MIGA1: variants seen among roughly 807,000 people sequenced by gnomAD.
The protein encoded by MIGA1 is family with sequence similarity 73, member A.
Under a neutral mutation model 82.0 loss-of-function variants are expected in MIGA1, and 58 were observed. That is an observed-to-expected ratio of 0.71 (90% CI 0.57 to 0.88). MIGA1 has a LOEUF of 0.88. Ranked by LOEUF, MIGA1 falls within the 40% of genes least tolerant of loss-of-function variation. The probability of loss-of-function intolerance (pLI) is 0.00; values close to 1 mark genes in which losing one functional copy is unlikely to be tolerated. For missense variants in MIGA1, 751 were observed against 749.1 expected (o/e 1.00, Z -0.03); for synonymous variants, 249 against 253.6 (o/e 0.98, Z 0.17).
chr1:77,823,863 G>T (rs1323413326), intron 7 of MIGA1, among the ~76,000 whole-genome samples: 8 of 152,116 alleles, frequency 5.3e-5, no homozygotes, highest in Non-Finnish European at 7.4e-5. Context: ...CTGTTTCTCT[G>T]TTGCCACATA....
At chr1:77,817,269 T>C (rs1203042069) in intron 7 of MIGA1, among the ~76,000 whole-genome samples, 1 of 152,178 alleles carries the variant, frequency 6.6e-6, no homozygotes, top group East Asian at 1.9e-4. Flanking sequence ...CCTCTGGGCA[T>C]GTGGCTTAGT....
chr1:77,802,621 TA>T (rs1243062263), intron 3 of MIGA1, among the ~76,000 whole-genome samples: 3 of 151,746 alleles, frequency 2.0e-5, no homozygotes, highest in African/African-American at 7.3e-5. Flanking sequence ...AAAATAACAA[TA>T]AAAAAATTGT....
At chr1:77,818,444 A>G (rs1024643758) in intron 7 of MIGA1, among the ~76,000 whole-genome samples, 2 of 152,250 alleles carry the variant, frequency 1.3e-5, no homozygotes, top group South Asian at 2.1e-4. Context: ...CATTCAGAAT[A>G]TAACAGTACC....
At chr1:77,825,811 A>G (rs1361661612) in intron 7 of MIGA1, among the ~76,000 whole-genome samples, 1 of 152,184 alleles carries the variant, frequency 6.6e-6, no homozygotes, top group Non-Finnish European at 1.5e-5. Context: ...TCAATTATAC[A>G]TAGTATAACT....
At chr1:77,872,833 G>A (rs1646858626) in intron 14 of MIGA1, among the ~76,000 whole-genome samples, 171 bp from the exon 15 acceptor site, 1 of 152,200 alleles carries the variant, frequency 6.6e-6, no homozygotes, top group African/African-American at 2.4e-5. Flanking sequence ...GCTAAAGCCG[G>A]GGGATTGCTT....
At chr1:77,859,666 A>G (rs768991263) in intron 10 of MIGA1, 48 of 399,478 alleles carry the variant, frequency 1.2e-4, no homozygotes, top group Non-Finnish European at 1.7e-4. Flanking sequence ...TAAAATAAAA[A>G]CACTCTTTCT....
intron 7 of MIGA1, among the ~76,000 whole-genome samples, chr1:77,840,764 G>T (rs562969557): frequency 2.6e-5 from 4 of 152,066 alleles, no homozygotes; most frequent in African/African-American, 9.6e-5. Context: ...GTGAGCCAAG[G>T]TCGCGCCATT....
intron 12 of MIGA1, among the ~76,000 whole-genome samples, chr1:77,863,118 T>G (rs79397639): frequency 0.012 from 1,783 of 152,290 alleles, 30 homozygotes; most frequent in African/African-American, 0.04. Context: ...CTGAGACTCA[T>G]CCTTCACCTC....
rs778538483 is a variant in MIGA1 at position 77,860,117 on chromosome 1, A to G, written c.1266A>G (p.Lys422=). 3.1e-6 allele frequency: 5 copies of G among 1,608,592 alleles called. No homozygotes were observed. The African/African-American group carries it at 6.7e-5, about 22-fold the overall frequency. ...AAATTTTATCAGCTTTAATTGTGAAAGCACGAAAGGTAAACTTGTTCTGTT... is the reference window on the plus strand; with the variant it reads ...AAATTTTATCAGCTTTAATTGTGAAGGCACGAAAGGTAAACTTGTTCTGTT... The change falls in exon 11 of 16, where the codon AAA becomes AAG. Residue 422 remains lysine (K), a synonymous_variant. Transcript: ENST00000370791.
At chr1:77,799,665 GT>G (rs552212453) in intron 2 of MIGA1, among the ~76,000 whole-genome samples, 1 of 149,720 alleles carries the variant, frequency 6.7e-6, no homozygotes, top group East Asian at 2.0e-4. Context: ...TGTGTTACCT[GT>G]TTTTTTTTCC....
At position 77,779,748 on chromosome 1, in the gene MIGA1, GGGGCGGGGTGGGGTGGAGAGGC is replaced by G; in HGVS notation, c.81+20_81+41del. 6.4e-7 allele frequency: 1 copy of G among 1,553,894 alleles called. No homozygotes were observed. The highest frequency in any genetic ancestry group is 1.2e-5 in the South Asian group (1 of 84,562). ...GCCTGGAGCTCCAGGTACAGGGCCA[GGGGCGGGGTGGGGTGGAGAGGC>G]GGGCGGGAGGAAGCGGAGAGTTGAG... On this transcript the variant is annotated intron_variant, in intron 1 of 15. Coordinates refer to ENST00000370791, the MANE Select transcript of MIGA1 (RefSeq NM_198549.4).
intron 2 of MIGA1, among the ~76,000 whole-genome samples, chr1:77,785,318 GT>G (rs1682109756): frequency 6.6e-6 from 1 of 152,060 alleles, no homozygotes; most frequent in Non-Finnish European, 1.5e-5. Context: ...CCCCATGCAA[GT>G]TTGAAATCCA....
intron 1 of MIGA1, chr1:77,782,826 C>A: frequency 1.0e-6 from 1 of 981,638 alleles, no homozygotes; most frequent in Non-Finnish European, 1.2e-6. Context: ...CATTCAGCAA[C>A]CTGCCTGCCA....
chr1:77,785,671 T>C (rs1364751901), intron 2 of MIGA1, among the ~76,000 whole-genome samples: 2 of 152,170 alleles, frequency 1.3e-5, no homozygotes, highest in Non-Finnish European at 2.9e-5. Context: ...AGTTCCAAAA[T>C]GATCTCTTTT....
chr1:77,829,880 G>GC lies in MIGA1; in HGVS notation c.896-13420dup, dbSNP rs369552182. 1.1e-3 allele frequency among the ~76,000 whole-genome samples: 161 copies of GC among 141,394 alleles called. 2 individuals carry two copies. In the East Asian group the frequency reaches 0.031, roughly 27 times the overall value. The allele number at this position is 141,394 out of a possible 152,430, so 92.8% of individuals were successfully genotyped here. ...TATTCTTTTCTGACTGATTTGCAAA[G>GC]CCCCCCCACCCCCCACCGTCATATG... On this transcript the variant is annotated intron_variant, in intron 7 of 15. Transcript: ENST00000370791.
At chr1:77,813,288 A>G (rs893183290) in intron 5 of MIGA1, among the ~76,000 whole-genome samples, 23 of 152,146 alleles carry the variant, frequency 1.5e-4, no homozygotes, top group Admixed American at 4.6e-4. Context: ...GGCCATCTTC[A>G]GCTTTACTTT....
At chr1:77,850,839 T>C (rs1218583826) in intron 8 of MIGA1, among the ~76,000 whole-genome samples, 1 of 148,614 alleles carries the variant, frequency 6.7e-6, no homozygotes, top group Non-Finnish European at 1.5e-5. Flanking sequence ...TGTTGTTGAC[T>C]TGTTTGATTT....
intron 13 of MIGA1, among the ~76,000 whole-genome samples, chr1:77,864,505 GTC>G (rs1210204391): frequency 6.7e-6 from 1 of 150,308 alleles, no homozygotes; most frequent in Non-Finnish European, 1.5e-5. Flanking sequence ...GTGAAAGGCT[GTC>G]TCTTTTAAAA....
At chr1:77,872,902 C>A in intron 14 of MIGA1, 102 bp from the exon 15 acceptor site, 1 of 1,466,052 alleles carries the variant, frequency 6.8e-7, no homozygotes, top group Non-Finnish European at 9.3e-7. Context: ...TTTTCTTAAA[C>A]TCCCACTGGT....
Sources: allele counts gnomAD v4.1 joint callset (sites outside exome capture counted in the v4.1 genomes callset), GRCh38; gene constraint gnomAD v4.1.1; transcripts MANE v1.5; gene names NCBI Gene and HGNC (gene_info 2026-07-23, HGNC 2026-07-21).